SNTG1: variants seen among roughly 807,000 people sequenced by gnomAD.
SNTG1 encodes syntrophin gamma 1.
A neutral mutation model predicts 74.7 loss-of-function variants in SNTG1; 39 were observed. The ratio of observed to expected loss-of-function variants is 0.52; its 90% CI spans 0.40 to 0.68. SNTG1 has a LOEUF of 0.68. SNTG1 is among the 30% of genes least tolerant of loss of function. The pLI is 0.00. For synonymous variants in SNTG1, 254 were observed against 217.1 expected, an observed-to-expected ratio of 1.17 and a Z score of -1.49; for missense variants, 685 against 609.5, an observed-to-expected ratio of 1.12 and a Z score of -1.30.
intron 1 of SNTG1, among the ~76,000 whole-genome samples, chr8:50,113,859 T>C (rs1455600170): frequency 6.6e-6 from 1 of 152,140 alleles, no homozygotes; most frequent in South Asian, 2.1e-4. Flanking sequence ...TGTATATACA[T>C]ATGTAACAAA....
intron 2 of SNTG1, among the ~76,000 whole-genome samples, chr8:50,379,798 A>T (rs1204291662): frequency 6.6e-6 from 1 of 152,228 alleles, no homozygotes; most frequent in East Asian, 1.9e-4. Context: ...CCTGGCGGCC[A>T]TCCCTGTTCT....
chr8:50,756,347 T>C (rs1033505221), intron 18 of SNTG1, among the ~76,000 whole-genome samples: 2 of 151,880 alleles, frequency 1.3e-5, no homozygotes, highest in Non-Finnish European at 2.9e-5. Context: ...TCATCTAGAC[T>C]TTGTACTATG....
intron 1 of SNTG1, among the ~76,000 whole-genome samples, chr8:50,098,513 T>C (rs956391023): frequency 1.1e-4 from 16 of 152,300 alleles, no homozygotes; most frequent in African/African-American, 2.9e-4. Context: ...AGGATGTGCA[T>C]AGGTTAAACA....
At chr8:49,967,220 T>A (rs1315875712) in intron 1 of SNTG1, among the ~76,000 whole-genome samples, 2 of 152,170 alleles carry the variant, frequency 1.3e-5, no homozygotes, top group Non-Finnish European at 2.9e-5. Context: ...CAAAGTCACA[T>A]GTTTAATGGC....
chr8:50,150,001 C>T (rs912244969), intron 1 of SNTG1, among the ~76,000 whole-genome samples: 9 of 152,048 alleles, frequency 5.9e-5, no homozygotes, highest in Non-Finnish European at 1.0e-4. Context: ...GCCATTTTCA[C>T]GATATTGATT....
At chr8:50,344,647 C>T (rs1427418270) in intron 2 of SNTG1, among the ~76,000 whole-genome samples, 1 of 152,208 alleles carries the variant, frequency 6.6e-6, no homozygotes, top group African/African-American at 2.4e-5. Flanking sequence ...CTCATCTGCT[C>T]TTCAAAATTT....
intron 1 of SNTG1, among the ~76,000 whole-genome samples, chr8:50,069,875 G>A (rs558011572): frequency 2.6e-5 from 4 of 152,032 alleles, no homozygotes; most frequent in East Asian, 1.9e-4. Context: ...TCCTCCTGCA[G>A]GTCTGTGCTA....
At chr8:50,587,002 TGTCA>T (rs1217384704) in intron 12 of SNTG1, among the ~76,000 whole-genome samples, 1 of 152,110 alleles carries the variant, frequency 6.6e-6, no homozygotes, top group African/African-American at 2.4e-5. Context: ...TATTTATAAC[TGTCA>T]GTATCATTGT....
At chr8:50,665,075 A>G (rs1256284813) in intron 15 of SNTG1, among the ~76,000 whole-genome samples, 1 of 152,152 alleles carries the variant, frequency 6.6e-6, no homozygotes, top group Non-Finnish European at 1.5e-5. Context: ...CTGGTATTAC[A>G]AATAAGTTTA....
chr8:50,538,304 C>T (rs771736014), intron 11 of SNTG1, among the ~76,000 whole-genome samples: 10 of 152,046 alleles, frequency 6.6e-5, no homozygotes, highest in Non-Finnish European at 1.3e-4. Flanking sequence ...TTTAAAAACT[C>T]GTGGAAAGGA....
chr8:50,255,377 C>T (rs1165172016), intron 2 of SNTG1, among the ~76,000 whole-genome samples: 1 of 152,270 alleles, frequency 6.6e-6, no homozygotes, highest in East Asian at 1.9e-4. Context: ...TATTATCACA[C>T]TTTCCAACCA....
chr8:50,266,684 G>GTATA (rs1554623724), intron 2 of SNTG1, among the ~76,000 whole-genome samples: 1,481 of 136,748 alleles, frequency 0.011, 27 homozygotes, highest in South Asian at 0.049. Flanking sequence ...GTGTGTGTGT[G>GTATA]TATATATATA....
chr8:50,316,921 T>A (rs1163751325), intron 2 of SNTG1, among the ~76,000 whole-genome samples: 1 of 152,216 alleles, frequency 6.6e-6, no homozygotes, highest in Non-Finnish European at 1.5e-5. Context: ...TAGTACTTAA[T>A]CTGCATTTTG....
At chr8:50,687,976 T>C (rs1195453677) in intron 15 of SNTG1, among the ~76,000 whole-genome samples, 2 of 152,338 alleles carry the variant, frequency 1.3e-5, no homozygotes, top group East Asian at 1.9e-4. Flanking sequence ...TATCTCATTG[T>C]GGTTTTAATT....
intron 2 of SNTG1, among the ~76,000 whole-genome samples, chr8:50,306,840 C>T (rs2089918857): frequency 6.6e-6 from 1 of 151,666 alleles, no homozygotes; most frequent in Non-Finnish European, 1.5e-5. Context: ...TGGGTTATCT[C>T]TTTATTCTTA....
chr8:50,404,619 CAGTTA>C (rs1297569866), intron 4 of SNTG1, among the ~76,000 whole-genome samples: 1 of 151,018 alleles, frequency 6.6e-6, no homozygotes. Flanking sequence ...CTTATATGGT[CAGTTA>C]AGTTTTTTTT....
intron 2 of SNTG1, among the ~76,000 whole-genome samples, chr8:50,267,459 A>G (rs1016525450): frequency 7.2e-5 from 11 of 152,198 alleles, no homozygotes; most frequent in African/African-American, 2.4e-4. Context: ...TCTATGAGCT[A>G]TACTTTACAT....
chr8:50,346,708 A>C (rs1413363710), intron 2 of SNTG1, among the ~76,000 whole-genome samples: 1 of 152,282 alleles, frequency 6.6e-6, no homozygotes, highest in East Asian at 1.9e-4. Context: ...CAGTGAACAC[A>C]CAAGAATCTT....
intron 12 of SNTG1, among the ~76,000 whole-genome samples, chr8:50,578,760 C>G (rs1007868774): frequency 6.6e-6 from 1 of 152,142 alleles, no homozygotes; most frequent in Non-Finnish European, 1.5e-5. Flanking sequence ...TTTGCTTCCC[C>G]TTTTGCCATA....
Sources: gnomAD v4.1 joint callset for allele counts (sites outside exome capture counted in the v4.1 genomes callset) on GRCh38, gnomAD v4.1.1 for gene constraint, MANE v1.5 for transcripts, NCBI Gene and HGNC (gene_info 2026-07-23, HGNC 2026-07-21) for gene names.